CAMK2G: variants seen among roughly 807,000 people sequenced by gnomAD.
CAMK2G encodes calcium/calmodulin dependent protein kinase II gamma, also known as calcium/calmodulin-dependent protein kinase type II subunit gamma.
CAMK2G carries 23 observed loss-of-function variants against 88.7 expected under a neutral mutation model. The observed-to-expected ratio is 0.26, with a 90% CI of 0.19 to 0.37. CAMK2G has a LOEUF of 0.37. Among genes scored for constraint, CAMK2G ranks in the 10% least tolerant of loss-of-function variants. The probability of loss-of-function intolerance (pLI) is 1.00; values close to 1 mark genes in which losing one functional copy is unlikely to be tolerated. For missense variants in CAMK2G, 476 were observed against 780.8 expected (o/e 0.61, Z 4.65); for synonymous variants, 263 against 294.8 (o/e 0.89, Z 1.11).
At chr10:73,841,492 GT>G (rs1362142061) in intron 12 of CAMK2G, among the ~76,000 whole-genome samples, 1 of 152,046 alleles carries the variant, frequency 6.6e-6, no homozygotes, top group Non-Finnish European at 1.5e-5. Flanking sequence ...TGGGGTGAGG[GT>G]GGGGGCAAGA....
intron 14 of CAMK2G, among the ~76,000 whole-genome samples, chr10:73,829,961 C>T (rs748962105): frequency 1.3e-5 from 2 of 152,184 alleles, no homozygotes; most frequent in African/African-American, 4.8e-5. Flanking sequence ...AAGAACTCTG[C>T]GTAGGCACTC....
chr10:73,820,492 ATTT>A (rs1166533591), intron 18 of CAMK2G, among the ~76,000 whole-genome samples: 19 of 51,038 alleles, frequency 3.7e-4, no homozygotes, highest in East Asian at 1.6e-3. Context: ...ATATATATAT[ATTT>A]TTTTTTTTTT....
At chr10:73,853,328 GC>G in intron 3 of CAMK2G, 82 bp from the exon 4 acceptor site, 1 of 1,262,918 alleles carries the variant, frequency 7.9e-7, no homozygotes, top group Admixed American at 1.8e-5. Context: ...CCCCACCCCT[GC>G]CCCATCCTGT....
intron 3 of CAMK2G, among the ~76,000 whole-genome samples, chr10:73,859,648 G>A (rs1477038817): frequency 6.6e-6 from 1 of 152,216 alleles, no homozygotes; most frequent in East Asian, 1.9e-4. Flanking sequence ...AGAACACACT[G>A]CATCAGGCAA....
At position 73,867,035 on chromosome 10, in the gene CAMK2G, C is replaced by T. The variant is rs543368238; in HGVS notation, c.160+5954G>A. 1.2e-3 allele frequency among the ~76,000 whole-genome samples: 183 copies of T among 152,296 alleles called. No homozygotes were observed. The Middle Eastern group carries it at 0.017, about 14-fold the overall frequency. On this transcript the variant is annotated intron_variant, in intron 2 of 22. Transcript: ENST00000423381. ...AGAGCAGGACCATGGTTTCTAATGC[C>T]CTCACACATGTACACCTGGTGACTA... is the stretch of plus-strand genomic sequence containing the variant.
At chr10:73,835,299 C>CTT (rs112225816) in intron 14 of CAMK2G, among the ~76,000 whole-genome samples, 5 of 143,648 alleles carry the variant, frequency 3.5e-5, no homozygotes, top group African/African-American at 2.5e-5. Context: ...CAGCAGGTAT[C>CTT]TTTTTTTTTT....
At position 73,842,610 on chromosome 10, in the gene CAMK2G, G is replaced by A. The variant is rs546254777; in HGVS notation, c.820-69C>T. On this transcript the variant is annotated intron_variant, in intron 10 of 22. Transcript: ENST00000423381. The surrounding 1 kb of genome is among the most constrained non-coding windows in gnomAD (Gnocchi z 4.6). ...CTGCGCCTCCCACAGTCCTGGCACC[G>A]ATACCATGCCCAGGACAGGGTCATG... The A allele has an allele frequency of 8.9e-6, 10 of 1,121,144 alleles. No homozygotes were observed. The highest frequency in any genetic ancestry group is 7.5e-5 in the South Asian group (6 of 80,434). 69.4% of individuals were successfully genotyped at this position (1,121,144 alleles called of 1,614,324 possible). A position where few individuals can be genotyped will look rare whatever the true frequency, so the allele number is the denominator to read the frequency against.
At chr10:73,833,909 G>GTTTTTTTTTTTT (rs778838628) in intron 14 of CAMK2G, among the ~76,000 whole-genome samples, 1 of 63,394 alleles carries the variant, frequency 1.6e-5, no homozygotes, top group African/African-American at 8.3e-5. Context: ...TATCTACTGG[G>GTTTTTTTTTTTT]TTTTTTTTTT....
intron 15 of CAMK2G, among the ~76,000 whole-genome samples, chr10:73,825,585 T>C (rs2090650355): frequency 6.6e-6 from 1 of 152,194 alleles, no homozygotes; most frequent in South Asian, 2.1e-4. Context: ...AGCCTTGTTT[T>C]AAAGCATCCC....
chr10:73,873,576 C>T (rs1220781697), intron 1 of CAMK2G: 1 of 986,786 alleles, frequency 1.0e-6, no homozygotes, highest in Non-Finnish European at 1.2e-6. Context: ...CAAACCCCCC[C>T]ACAGCCGGTT....
At chr10:73,860,653 G>C (rs140005816) in intron 3 of CAMK2G, among the ~76,000 whole-genome samples, 177 bp downstream of exon 3, 121 of 152,302 alleles carry the variant, frequency 7.9e-4, no homozygotes, top group African/African-American at 2.9e-3. Flanking sequence ...CAGATACTCA[G>C]GTCTCTAAAC....
At chr10:73,849,166 G>T (rs368582923) in intron 6 of CAMK2G, 51 bp from the exon 7 acceptor site, 8 of 1,576,770 alleles carry the variant, frequency 5.1e-6, no homozygotes, top group Non-Finnish European at 8.7e-7. Context: ...GCAGCCCAGA[G>T]GAAGCCTAGT....
At chr10:73,841,917 G>T (rs2134406366) in intron 12 of CAMK2G, 1 of 515,740 alleles carries the variant, frequency 1.9e-6, no homozygotes, top group South Asian at 2.3e-5. Context: ...AGAGAAACAA[G>T]GTACATAGCA....
At chr10:73,836,346 G>A (rs1370498760) in intron 14 of CAMK2G, among the ~76,000 whole-genome samples, 1 of 152,076 alleles carries the variant, frequency 6.6e-6, no homozygotes, top group Non-Finnish European at 1.5e-5. Context: ...CACCTCTGTT[G>A]TGTACCCCTC....
At chr10:73,859,651 T>G (rs1169420351) in intron 3 of CAMK2G, among the ~76,000 whole-genome samples, 2 of 152,198 alleles carry the variant, frequency 1.3e-5, no homozygotes, top group African/African-American at 4.8e-5. Context: ...ACACACTGCA[T>G]CAGGCAAAGC....
At position 73,842,339 on chromosome 10, in the gene CAMK2G, G is replaced by GTA. The variant is rs375454225; in HGVS notation, c.903+117_903+118dup. 1 of 1,150,394 alleles carries GTA rather than the reference G, an allele frequency of 8.7e-7. No homozygotes were observed. Among genetic ancestry groups the GTA allele is most frequent in the African/African-American group, 1.5e-5 (1 of 65,920 alleles). 71.3% of individuals were successfully genotyped at this position (1,150,394 alleles called of 1,614,324 possible). On this transcript the variant is annotated intron_variant, in intron 11 of 22. Transcript: ENST00000423381. This position sits in a 1 kb window ranked among gnomAD's most constrained non-coding sequence, Gnocchi z 4.6. ...CTCTGGGCCCCCTCCCCTGTGACAT[G>GTA]TACAACCTTCAGAGCCCAGCTCCAG... is the stretch of plus-strand genomic sequence containing the variant.
At chr10:73,830,098 C>A (rs1203229701) in intron 14 of CAMK2G, among the ~76,000 whole-genome samples, 1 of 152,180 alleles carries the variant, frequency 6.6e-6, no homozygotes, top group South Asian at 2.1e-4. Flanking sequence ...TCCTGGCTTG[C>A]TCTCTTTTTC....
intron 20 of CAMK2G, 91 bp downstream of exon 20, chr10:73,817,388 T>G: frequency 2.0e-6 from 2 of 1,000,338 alleles, no homozygotes; most frequent in Admixed American, 3.7e-5. Context: ...AGGTCCAACC[T>G]CCCTTTCCCC....
At position 73,839,963 on chromosome 10, in the gene CAMK2G, C is replaced by A. The variant is rs916106420; in HGVS notation, c.947-362G>T. Reference sequence around the variant, plus strand: ...GCCCTAGCTTAAGGCTGTGATGAAACGCCCTCCCTTCTAGTCCTTCCCTCC... The same window carrying A: ...GCCCTAGCTTAAGGCTGTGATGAAAAGCCCTCCCTTCTAGTCCTTCCCTCC... On this transcript the variant is annotated intron_variant, in intron 12 of 22. Transcript: ENST00000423381. The surrounding 1 kb of genome is among the most constrained non-coding windows in gnomAD (Gnocchi z 4.2). Among the ~76,000 whole-genome samples the A allele has an allele frequency of 2.0e-5, 3 of 152,190 alleles. No homozygotes were observed. The highest frequency in any genetic ancestry group is 7.2e-5 in the African/African-American group (3 of 41,464).
Sources: allele counts gnomAD v4.1 joint callset (sites outside exome capture counted in the v4.1 genomes callset), GRCh38; gene constraint gnomAD v4.1.1; non-coding constraint Gnocchi (gnomAD v3.1); transcripts MANE v1.5; gene names NCBI Gene and HGNC (gene_info 2026-07-23, HGNC 2026-07-21).